Variants in KRI1 observed in about 807,000 individuals in gnomAD.
KRI1 encodes KRI1 homolog, also known as protein KRI1 homolog.
Under a neutral mutation model 97.0 loss-of-function variants are expected in KRI1, and 83 were observed. That is an observed-to-expected ratio of 0.86 (90% CI 0.72 to 1.03). The LOEUF is 1.03. Ranked by LOEUF, KRI1 falls within the 50% of genes least tolerant of loss-of-function variation. KRI1 has a pLI of 0.00. For missense variants in KRI1, 916 were observed against 928.4 expected, an observed-to-expected ratio of 0.99 and a Z score of 0.17; for synonymous variants, 371 against 363.5, an observed-to-expected ratio of 1.02 and a Z score of -0.23.
chr19:10,563,816 G>A (rs1330369925), intron 3 of KRI1, among the ~76,000 whole-genome samples: 1 of 152,096 alleles, frequency 6.6e-6, no homozygotes, highest in Non-Finnish European at 1.5e-5. Flanking sequence ...GCGCACACCA[G>A]CATGCTCAGC....
intron 16 of KRI1, 151 bp downstream of exon 16, chr19:10,557,401 C>T: frequency 1.1e-6 from 1 of 933,058 alleles, no homozygotes; most frequent in Non-Finnish European, 1.6e-6. Context: ...GCCACTGCGC[C>T]CAACCGAATA....
At chr19:10,560,154 G>A (rs1246700182) in intron 9 of KRI1, among the ~76,000 whole-genome samples, 158 bp downstream of exon 9, 1 of 152,218 alleles carries the variant, frequency 6.6e-6, no homozygotes, top group East Asian at 1.9e-4. Flanking sequence ...TGGCTCCAGA[G>A]CCTATACTCT....
At chr19:10,554,662 G>C (rs962567499) in intron 18 of KRI1, among the ~76,000 whole-genome samples, 2 of 152,172 alleles carry the variant, frequency 1.3e-5, no homozygotes, top group Admixed American at 1.3e-4. Context: ...CTTCTCGCTT[G>C]AGTCTCCCAA....
rs1436498884 is a variant in KRI1 at position 10,561,721 on chromosome 19, A to G, written c.439-5T>C. 1 of 1,614,026 alleles carries G rather than the reference A, an allele frequency of 6.2e-7. No homozygotes were observed. On this transcript the variant is annotated splice_region_variant and splice_polypyrimidine_tract_variant and intron_variant, in intron 5 of 18. Transcript: ENST00000312962. ...ATAACTTTGCGACGATGTCTCCTGC[A>G]GAGAGGGCCATAGGTCTCAGGCCAG...
intron 3 of KRI1, among the ~76,000 whole-genome samples, chr19:10,564,016 C>T (rs1599537015): frequency 6.6e-6 from 1 of 151,300 alleles, no homozygotes; most frequent in South Asian, 2.1e-4. Flanking sequence ...CGTGGTGGCA[C>T]GCACCTGTAA....
intron 12 of KRI1, 35 bp downstream of exon 12, chr19:10,559,324 C>T: frequency 6.3e-7 from 1 of 1,599,732 alleles, no homozygotes; most frequent in South Asian, 1.1e-5. Context: ...TTTGTGTGAA[C>T]TCAGCGTCAT....
At position 10,553,090 on chromosome 19, in the gene KRI1, TACA is replaced by T. The variant is rs756352592; in HGVS notation, c.*858_*860del. The T allele has an allele frequency of 1.9e-6, 3 of 1,569,258 alleles. No homozygotes were observed. The highest frequency in any genetic ancestry group is 1.8e-5 in the Admixed American group (1 of 54,322). ...TAAAGGGAGGGGATGAGGGGAAAGA[TACA>T]ACACTATTTATTTTTTTATTTATGT... is the stretch of plus-strand genomic sequence containing the variant. On this transcript the variant is annotated 3_prime_UTR_variant, in exon 19 of 19. Transcript: ENST00000312962.
At chr19:10,563,220 T>C (rs1032002808) in intron 3 of KRI1, among the ~76,000 whole-genome samples, 3 of 151,514 alleles carry the variant, frequency 2.0e-5, no homozygotes, top group African/African-American at 7.3e-5. Flanking sequence ...CGCGCCCGGC[T>C]AATTTTTATA....
rs1207710365 is a variant in KRI1, at chr19:10,559,428, C to T, written c.1125G>A (p.Glu375=). The T allele has an allele frequency of 6.2e-7, 1 of 1,614,122 alleles. No homozygotes were observed. The highest frequency in any genetic ancestry group is 1.3e-5 in the African/African-American group (1 of 75,030). The change falls in exon 12 of 19, where the codon GAG becomes GAA. Residue 375 remains glutamate, a synonymous_variant. Coordinates refer to ENST00000312962, the MANE Select transcript of KRI1 (RefSeq NM_023008.5). ...GGTCCCCCTCCTCGAGGCCCAGCAT[C>T]TCGTTGCCTGTTACTTTCCGCAGCT... ...LEKLRKVTGN[E]MLGLEEGDLE... is the part of the protein sequence containing the mutation.
Position 10,553,295 on chromosome 19 carries a change from G to C in KRI1, c.*656C>G. ...TGGCAGGGTAGGGAAGGAGGACCCCGGGCACCCCCCTCAGGGCCTGACTCA... is the reference window on the plus strand; with the variant it reads ...TGGCAGGGTAGGGAAGGAGGACCCCCGGCACCCCCCTCAGGGCCTGACTCA... On this transcript the variant is annotated 3_prime_UTR_variant, in exon 19 of 19. Transcript: ENST00000312962. The C allele has an allele frequency of 1.8e-6, 1 of 543,750 alleles. No individual in the cohort carries two copies. The highest frequency in any genetic ancestry group is 3.1e-5 in the South Asian group (1 of 32,622). 33.7% of individuals were successfully genotyped at this position (543,750 alleles called of 1,614,324 possible). A position where few individuals can be genotyped will look rare whatever the true frequency, so the allele number is the denominator to read the frequency against.
rs373535536 is a variant in KRI1 at position 10,555,291 on chromosome 19, A to G, written c.1676T>C (p.Met559Thr). The change falls in exon 17 of 19, where the codon ATG (methionine) becomes ACG (threonine). Residue 559 changes from methionine to threonine, a missense_variant. Transcript: ENST00000312962. ...NRWCSLKKTC[M>T]YRSEQEELRD... is the part of the protein sequence containing the mutation. ...CCGCGCCCCGCCCCATCACCTGTAC[A>G]TGCAGGTCTTCTTTAGGGAGCACCA... is the stretch of plus-strand genomic sequence containing the variant. The G allele has an allele frequency of 4.3e-4, 641 of 1,507,990 alleles. 5 individuals carry two copies. The South Asian group carries it at 4.6e-3, about 11-fold the overall frequency. 93.4% of individuals were successfully genotyped at this position (1,507,990 alleles called of 1,614,324 possible).
chr19:10,553,753 C>G lies in KRI1; in HGVS notation c.*198G>C. 1.8e-6 allele frequency: 1 copy of G among 559,896 alleles called. No individual in the cohort carries two copies. Among genetic ancestry groups the G allele is most frequent in the Non-Finnish European group, 3.1e-6 (1 of 319,790 alleles). 34.7% of individuals were successfully genotyped at this position (559,896 alleles called of 1,614,324 possible). A position where few individuals can be genotyped will look rare whatever the true frequency, so the allele number is the denominator to read the frequency against. On this transcript the variant is annotated 3_prime_UTR_variant, in exon 19 of 19. Transcript: ENST00000312962. ...ACCACATTTTGTAGAGATGGAGTCTCGCTAAGTTGCCCACGCTGGTCTCCA... is the reference window on the plus strand; with the variant it reads ...ACCACATTTTGTAGAGATGGAGTCTGGCTAAGTTGCCCACGCTGGTCTCCA...
At position 10,560,344 on chromosome 19, in the gene KRI1, C is replaced by T. The variant is rs1275075462; in HGVS notation, c.768G>A (p.Glu256=). The T allele has an allele frequency of 3.1e-6, 5 of 1,607,172 alleles. No homozygotes were observed. The highest frequency in any genetic ancestry group is 4.2e-6 in the Non-Finnish European group (5 of 1,178,830). ...CTTCCTCCATTTCCTCTTCATCTTCCTCCTCCTCTTCCTCCTCCTCATAGC... is the reference window on the plus strand; with the variant it reads ...CTTCCTCCATTTCCTCTTCATCTTCTTCCTCCTCTTCCTCCTCCTCATAGC... The part of the protein sequence containing the change: ...NKRYEEEEEE[E]EDEEEMEEEE... The change falls in exon 9 of 19, where the codon GAG becomes GAA. Residue 256 remains glutamate (E), a synonymous_variant. Coordinates refer to ENST00000312962, the MANE Select transcript of KRI1 (RefSeq NM_023008.5).
At chr19:10,565,814 C>CCCCA (rs761321048) in intron 1 of KRI1, 24 bp from the exon 2 acceptor site, 193 of 1,549,808 alleles carry the variant, frequency 1.2e-4, no homozygotes, top group Non-Finnish European at 1.6e-4. Context: ...ACGGGATGCC[C>CCCCA]CCCCCCAGGT....
In KRI1 at chr19:10,561,712, G is replaced by A. The variant is rs369128534; in HGVS notation, c.443C>T (p.Thr148Ile). 4 of 1,613,910 alleles carry A rather than the reference G, an allele frequency of 2.5e-6. No individual in the cohort carries two copies. Among genetic ancestry groups the A allele is most frequent in the Admixed American group, 1.7e-5 (1 of 59,978 alleles). Residue 148 changes from threonine to isoleucine, a missense_variant, in exon 6 of 19, where the codon ACA (threonine) becomes ATA (isoleucine). Transcript: ENST00000312962. ...GETSNHRLQETSSQSYVEEQK... is the reference protein window; with the variant it reads ...GETSNHRLQEISSQSYVEEQK... ...TTCCTCCACATAACTTTGCGACGAT[G>A]TCTCCTGCAGAGAGGGCCATAGGTC...
chr19:10,563,703 T>TA (rs1916768103), intron 3 of KRI1, among the ~76,000 whole-genome samples: 1 of 152,182 alleles, frequency 6.6e-6, no homozygotes, highest in Non-Finnish European at 1.5e-5. Context: ...TTGCTCAGGC[T>TA]GGAGTGCAGT....
chr19:10,558,405 AG>A (rs1271069685), intron 12 of KRI1, among the ~76,000 whole-genome samples, 166 bp from the exon 13 acceptor site: 2 of 152,044 alleles, frequency 1.3e-5, no homozygotes, highest in Non-Finnish European at 2.9e-5. Context: ...CTGCATGTCC[AG>A]GATCCTCCGC....
In KRI1 at chr19:10,559,600, C is replaced by A. The variant is rs751796174; in HGVS notation, c.1023+13G>T. ...GGCTGGGGGGTCCTCCCCAGCTCACCCCCCACACTCACCCTCTTCTTTCGC... is the reference window on the plus strand; with the variant it reads ...GGCTGGGGGGTCCTCCCCAGCTCACACCCCACACTCACCCTCTTCTTTCGC... On this transcript the variant is annotated intron_variant, in intron 11 of 18. Transcript: ENST00000312962. 1 of 1,613,806 alleles carries A rather than the reference C, an allele frequency of 6.2e-7. No homozygotes were observed. The highest frequency in any genetic ancestry group is 8.5e-7 in the Non-Finnish European group (1 of 1,179,908).
At position 10,558,547 on chromosome 19, in the gene KRI1, CT is replaced by C. The variant is rs1182568016; in HGVS notation, c.1195-309del. ...CTGGTGCACTACTCAGGCCCCAGGT[CT>C]TTTTTTTTTTTGAAACAGAATTTCG... On this transcript the variant is annotated intron_variant, in intron 12 of 18. Coordinates refer to ENST00000312962, the MANE Select transcript of KRI1 (RefSeq NM_023008.5). 2.5e-3 allele frequency among the ~76,000 whole-genome samples: 366 copies of C among 145,832 alleles called. 4 individuals carry two copies. In the East Asian group the frequency reaches 0.033, roughly 13 times the overall value.
Sources: gnomAD v4.1 joint callset for allele counts (sites outside exome capture counted in the v4.1 genomes callset) on GRCh38, gnomAD v4.1.1 for gene constraint, MANE v1.5 for transcripts, NCBI Gene and HGNC (gene_info 2026-07-23, HGNC 2026-07-21) for gene names.